The following AK5 variants were observed in gnomAD, a reference collection of about 807,000 sequenced individuals.
The protein encoded by AK5 is adenylate kinase 5, also known as adenylate kinase isoenzyme 5.
A neutral mutation model predicts 69.5 loss-of-function variants in AK5; 27 were observed. The ratio of observed to expected loss-of-function variants is 0.39; its 90% CI spans 0.29 to 0.54. The LOEUF is 0.54. AK5 is among the 20% of genes least tolerant of loss of function. AK5 has a pLI of 0.71. For missense variants in AK5, 531 were observed against 700.4 expected (o/e 0.76, Z 2.73); for synonymous variants, 260 against 244.4 (o/e 1.06, Z -0.60).
intron 5 of AK5, among the ~76,000 whole-genome samples, chr1:77,331,912 G>T (rs903458990): frequency 6.6e-6 from 1 of 152,082 alleles, no homozygotes; most frequent in Non-Finnish European, 1.5e-5. Flanking sequence ...TCTTTTGTCA[G>T]TATGGAGAAG....
chr1:77,531,072 A>C (rs1658545406), intron 12 of AK5, among the ~76,000 whole-genome samples: 1 of 151,932 alleles, frequency 6.6e-6, no homozygotes, highest in Non-Finnish European at 1.5e-5. Flanking sequence ...GAAGCCGTGG[A>C]CCCTCGCGGT....
intron 6 of AK5, among the ~76,000 whole-genome samples, chr1:77,375,038 T>G (rs1186188079): frequency 6.6e-6 from 1 of 152,202 alleles, no homozygotes; most frequent in Non-Finnish European, 1.5e-5. Flanking sequence ...GCTAAGTGAC[T>G]CATATTTATT....
chr1:77,555,718 C>A (rs997994801), intron 13 of AK5, among the ~76,000 whole-genome samples: 11 of 152,196 alleles, frequency 7.2e-5, no homozygotes, highest in African/African-American at 2.4e-4. Context: ...CTTCTCTGCC[C>A]TCCCCACATT....
At chr1:77,419,870 G>A (rs1449130149) in intron 8 of AK5, among the ~76,000 whole-genome samples, 1 of 152,068 alleles carries the variant, frequency 6.6e-6, no homozygotes, top group Non-Finnish European at 1.5e-5. Context: ...ACAAGTCCCA[G>A]TCCCAAGATG....
At chr1:77,314,185 C>A in intron 5 of AK5, 1 of 287,514 alleles carries the variant, frequency 3.5e-6, no homozygotes, top group Non-Finnish European at 6.7e-6. Flanking sequence ...ATGGAGGCTA[C>A]GTTTTCAAGG....
At chr1:77,340,951 G>A (rs896072724) in intron 6 of AK5, 7 of 163,054 alleles carry the variant, frequency 4.3e-5, no homozygotes, top group Non-Finnish European at 6.7e-5. Flanking sequence ...CCACACAGTT[G>A]ATGTGGGGTT....
intron 8 of AK5, among the ~76,000 whole-genome samples, chr1:77,464,865 CAG>C (rs1313782141): frequency 2.0e-5 from 3 of 152,030 alleles, no homozygotes; most frequent in Non-Finnish European, 4.4e-5. Context: ...AGGGGAGAAG[CAG>C]GGGGAATAAT....
intron 12 of AK5, among the ~76,000 whole-genome samples, chr1:77,527,880 C>G (rs192959431): frequency 6.6e-6 from 1 of 152,134 alleles, no homozygotes; most frequent in African/African-American, 2.4e-5. Context: ...ACTAACATGG[C>G]GAAACCCCGT....
At chr1:77,399,974 C>G (rs1649097661) in intron 6 of AK5, among the ~76,000 whole-genome samples, 1 of 152,216 alleles carries the variant, frequency 6.6e-6, no homozygotes, top group East Asian at 1.9e-4. Flanking sequence ...TTTGCCTGCC[C>G]TTGCTCCTTC....
At chr1:77,385,092 G>A (rs17100499) in intron 6 of AK5, among the ~76,000 whole-genome samples, 13,149 of 152,192 alleles carry the variant, frequency 0.086, 636 homozygotes, top group Middle Eastern at 0.11. Context: ...ATGTATCAGT[G>A]ACATTTTGGG....
intron 5 of AK5, chr1:77,314,754 C>G (rs1233372188): frequency 6.6e-6 from 1 of 152,084 alleles, no homozygotes; most frequent in East Asian, 1.9e-4. Flanking sequence ...TTCAATCTAG[C>G]TATAATTTTG....
At chr1:77,513,098 G>A (rs553132106) in intron 10 of AK5, among the ~76,000 whole-genome samples, 5 of 152,274 alleles carry the variant, frequency 3.3e-5, no homozygotes, top group Admixed American at 6.5e-5. Context: ...CACCCATCCC[G>A]TGCCCTTCAT....
At chr1:77,456,259 C>T (rs1653479359) in intron 8 of AK5, among the ~76,000 whole-genome samples, 1 of 152,196 alleles carries the variant, frequency 6.6e-6, no homozygotes, top group Non-Finnish European at 1.5e-5. Context: ...TGATTGAGCC[C>T]TGTGGCAGAT....
intron 8 of AK5, among the ~76,000 whole-genome samples, chr1:77,444,010 T>C (rs1158338476): frequency 1.3e-5 from 2 of 151,128 alleles, no homozygotes; most frequent in Non-Finnish European, 2.9e-5. Context: ...TTATTAACTA[T>C]AGTCCTCATG....
chr1:77,301,552 T>C (rs1557476917), intron 5 of AK5, among the ~76,000 whole-genome samples: 1 of 152,188 alleles, frequency 6.6e-6, no homozygotes, highest in Non-Finnish European at 1.5e-5. Flanking sequence ...TGCTCCCTTC[T>C]TCCCACACAT....
At chr1:77,415,062 C>T (rs897794408) in intron 7 of AK5, among the ~76,000 whole-genome samples, 3 of 151,970 alleles carry the variant, frequency 2.0e-5, no homozygotes, top group African/African-American at 7.2e-5. Context: ...AATATAATTC[C>T]TGTTGAAAGC....
At chr1:77,501,938 A>G (rs1656744174) in intron 10 of AK5, among the ~76,000 whole-genome samples, 1 of 152,200 alleles carries the variant, frequency 6.6e-6, no homozygotes, top group South Asian at 2.1e-4. Context: ...GCTCAAAGAG[A>G]GGTTAGTCTA....
At chr1:77,485,475 T>C (rs994748931) in intron 9 of AK5, among the ~76,000 whole-genome samples, 5 of 152,228 alleles carry the variant, frequency 3.3e-5, no homozygotes, top group African/African-American at 1.2e-4. Context: ...TCAAAAGTAG[T>C]TATCTACAGA....
At chr1:77,325,610 C>T (rs1433241152) in intron 5 of AK5, among the ~76,000 whole-genome samples, 1 of 152,124 alleles carries the variant, frequency 6.6e-6, no homozygotes. Context: ...CTGTTACACC[C>T]TGTGCTGGTC....
Sources: allele counts gnomAD v4.1 joint callset (sites outside exome capture counted in the v4.1 genomes callset), GRCh38; gene constraint gnomAD v4.1.1; transcripts MANE v1.5; gene names NCBI Gene and HGNC (gene_info 2026-07-23, HGNC 2026-07-21).